The following DENND1B variants were observed in gnomAD, a reference collection of about 807,000 sequenced individuals.
The protein encoded by DENND1B is DENN domain containing 1B, also known as DENN domain-containing protein 1B.
A neutral mutation model predicts 90.1 loss-of-function variants in DENND1B; 59 were observed. The observed-to-expected ratio is 0.65, with a 90% CI of 0.53 to 0.81. The LOEUF (loss-of-function observed/expected upper bound fraction) is 0.81. DENND1B is among the 40% of genes least tolerant of loss of function. The pLI is 0.00. For missense variants in DENND1B, 862 were observed against 912.6 expected (o/e 0.94, Z 0.71); for synonymous variants, 337 against 324.6 (o/e 1.04, Z -0.41).
At chr1:197,683,441 T>C (rs745778084) in intron 3 of DENND1B, among the ~76,000 whole-genome samples, 31 of 151,954 alleles carry the variant, frequency 2.0e-4, no homozygotes, top group African/African-American at 2.7e-4. Flanking sequence ...TTTACAGTAA[T>C]TGAAGTGTAT....
At position 197,545,066 on chromosome 1, in the gene DENND1B, G is replaced by T. The variant is rs11802337; in HGVS notation, c.1350+856C>A. Among the ~76,000 whole-genome samples the T allele has an allele frequency of 3.3e-3, 502 of 150,582 alleles. 5 individuals are homozygous for T. The highest frequency in any genetic ancestry group is 0.012 in the African/African-American group (477 of 40,492). On this transcript the variant is annotated intron_variant, in intron 18 of 22. Transcript: ENST00000620048. The stretch of plus-strand genomic sequence containing the variant: ...AGGAGAAGGAGAAGAAGAAGAAGAA[G>T]AAGAATTCCAAGAAAAATCTTGGAA...
intron 3 of DENND1B, among the ~76,000 whole-genome samples, chr1:197,675,456 T>A (rs1048094014): frequency 6.6e-6 from 1 of 151,926 alleles, no homozygotes; most frequent in Non-Finnish European, 1.5e-5. Flanking sequence ...AAAAATCATC[T>A]ACTCTTAGGG....
At chr1:197,547,533 CA>C (rs1470135507) in intron 16 of DENND1B, among the ~76,000 whole-genome samples, 1 of 152,060 alleles carries the variant, frequency 6.6e-6, no homozygotes, top group Non-Finnish European at 1.5e-5. Flanking sequence ...AAAGAAATAT[CA>C]AAAAACAATT....
intron 3 of DENND1B, among the ~76,000 whole-genome samples, chr1:197,676,123 A>G (rs1369119564): frequency 6.7e-6 from 1 of 149,840 alleles, no homozygotes; most frequent in Admixed American, 6.7e-5. Flanking sequence ...TGTCAGTGAC[A>G]AAGCAGCTCA....
chr1:197,646,370 C>T (rs1265426052), intron 8 of DENND1B, among the ~76,000 whole-genome samples: 1 of 151,786 alleles, frequency 6.6e-6, no homozygotes, highest in African/African-American at 2.4e-5. Context: ...TATTAATTAG[C>T]TTCTATAATG....
At chr1:197,618,040 T>A (rs1335181475) in intron 10 of DENND1B, among the ~76,000 whole-genome samples, 1 of 151,092 alleles carries the variant, frequency 6.6e-6, no homozygotes, top group East Asian at 1.9e-4. Context: ...TAAGTAAAAG[T>A]AAAACTGAAA....
intron 13 of DENND1B, among the ~76,000 whole-genome samples, chr1:197,601,432 A>G (rs1676202343): frequency 6.6e-6 from 1 of 151,708 alleles, no homozygotes; most frequent in Non-Finnish European, 1.5e-5. Context: ...TTACACACAA[A>G]AAGTTGCTTG....
At chr1:197,535,936 C>T (rs745743124) in intron 20 of DENND1B, among the ~76,000 whole-genome samples, 3 of 151,800 alleles carry the variant, frequency 2.0e-5, no homozygotes, top group Non-Finnish European at 4.4e-5. Flanking sequence ...GAAAACCAGT[C>T]TACAGAATGC....
At chr1:197,540,495 T>C (rs1430919669) in intron 19 of DENND1B, among the ~76,000 whole-genome samples, 1 of 152,104 alleles carries the variant, frequency 6.6e-6, no homozygotes, top group Non-Finnish European at 1.5e-5. Context: ...TATTTACATA[T>C]CTGCAATATT....
intron 3 of DENND1B, among the ~76,000 whole-genome samples, chr1:197,704,614 G>C (rs1659344253): frequency 6.6e-6 from 1 of 152,112 alleles, no homozygotes; most frequent in African/African-American, 2.4e-5. Context: ...TTGTCCCACT[G>C]GTTCCTCAAT....
At chr1:197,735,749 G>A in intron 2 of DENND1B, 1 of 1,612,440 alleles carries the variant, frequency 6.2e-7, no homozygotes, top group African/African-American at 1.3e-5. Context: ...AATGCGAATC[G>A]GCGTACTTTT....
intron 10 of DENND1B, among the ~76,000 whole-genome samples, chr1:197,632,053 CT>C (rs1343665201): frequency 6.6e-6 from 1 of 152,118 alleles, no homozygotes; most frequent in Non-Finnish European, 1.5e-5. Context: ...CCTCACCTCC[CT>C]CTTAAGGTCA....
intron 2 of DENND1B, among the ~76,000 whole-genome samples, chr1:197,736,299 A>G (rs1662683879): frequency 6.6e-6 from 1 of 152,128 alleles, no homozygotes; most frequent in Non-Finnish European, 1.5e-5. Flanking sequence ...TCATTTTGAG[A>G]CTTGGGATTA....
At chr1:197,546,486 T>C (rs970630600) in intron 17 of DENND1B, among the ~76,000 whole-genome samples, 3 of 152,176 alleles carry the variant, frequency 2.0e-5, no homozygotes, top group Non-Finnish European at 4.4e-5. Flanking sequence ...AAAAACAACA[T>C]TTGGCAGTAA....
At chr1:197,689,356 C>A (rs1191226571) in intron 3 of DENND1B, 1 of 152,088 alleles carries the variant, frequency 6.6e-6, no homozygotes, top group Non-Finnish European at 1.5e-5. Flanking sequence ...ACTGCCCCCA[C>A]AATTCAATTA....
At chr1:197,761,682 G>C (rs542823923) in intron 2 of DENND1B, 6 of 151,994 alleles carry the variant, frequency 3.9e-5, no homozygotes, top group Admixed American at 3.3e-4. Flanking sequence ...CCTCATGCTG[G>C]TGCATTTCTG....
In DENND1B at chr1:197,650,328, T is replaced by G. The variant is rs528029772; in HGVS notation, c.447+1907A>C. Reference sequence around the variant, plus strand: ...CCTCACACATCTACTAAACAAATATTAAACTGATCACCTGATCACCGCATC... The same window carrying G: ...CCTCACACATCTACTAAACAAATATGAAACTGATCACCTGATCACCGCATC... On this transcript the variant is annotated intron_variant, in intron 7 of 22. Coordinates refer to ENST00000620048, the MANE Select transcript of DENND1B (RefSeq NM_001195215.2). Among the ~76,000 whole-genome samples the G allele has an allele frequency of 2.6e-5, 4 of 152,312 alleles. No individual in the cohort carries two copies. In the East Asian group the frequency reaches 7.7e-4, roughly 29 times the overall value.
intron 10 of DENND1B, among the ~76,000 whole-genome samples, chr1:197,619,325 CATT>C (rs1677937523): frequency 6.6e-6 from 1 of 151,136 alleles, no homozygotes; most frequent in African/African-American, 2.4e-5. Flanking sequence ...TGATCTAACT[CATT>C]GTGTCAAATT....
intron 2 of DENND1B, among the ~76,000 whole-genome samples, chr1:197,762,530 A>G (rs1655212166): frequency 6.6e-6 from 1 of 152,228 alleles, no homozygotes; most frequent in South Asian, 2.1e-4. Context: ...CGCATCTATC[A>G]TCTCACATAC....
Sources: allele counts gnomAD v4.1 joint callset (sites outside exome capture counted in the v4.1 genomes callset), GRCh38; gene constraint gnomAD v4.1.1; transcripts MANE v1.5; gene names NCBI Gene and HGNC (gene_info 2026-07-23, HGNC 2026-07-21).